The following DNAH12 variants were observed in gnomAD, a reference collection of about 807,000 sequenced individuals.
DNAH12 encodes the protein axonemal beta dynein heavy chain 12.
In DNAH12, 285 loss-of-function variants were observed where a neutral mutation model predicts 371.5. The observed-to-expected ratio is 0.77, with a 90% confidence interval of 0.70 to 0.85. The LOEUF is 0.85. DNAH12 is among the 40% of genes least tolerant of loss of function. The pLI is 0.00. For missense variants in DNAH12, 3,611 were observed against 3,689.4 expected, an observed-to-expected ratio of 0.98 and a Z score of 0.55; for synonymous variants, 1,200 against 1,213.0, an observed-to-expected ratio of 0.99 and a Z score of 0.22.
intron 70 of DNAH12, among the ~76,000 whole-genome samples, chr3:57,299,737 G>A (rs1299491460): frequency 2.0e-5 from 3 of 152,168 alleles, no homozygotes; most frequent in African/African-American, 7.2e-5. Flanking sequence ...AACCAGGAGA[G>A]CTGTCACCAG....
chr3:57,295,847 C>T (rs992725899), intron 72 of DNAH12, among the ~76,000 whole-genome samples: 1 of 152,178 alleles, frequency 6.6e-6, no homozygotes, highest in Non-Finnish European at 1.5e-5. Context: ...GTGGCCAGGG[C>T]TCCAAGGGAA....
chr3:57,523,755 T>C, intron 3 of DNAH12, 48 bp downstream of exon 3: 1 of 1,512,594 alleles, frequency 6.6e-7, no homozygotes, highest in Non-Finnish European at 8.9e-7. Context: ...TAACTACAAA[T>C]TAAAATGATA....
chr3:57,432,312 G>A (rs2064981091), intron 32 of DNAH12, among the ~76,000 whole-genome samples: 1 of 150,460 alleles, frequency 6.6e-6, no homozygotes, highest in Non-Finnish European at 1.5e-5. Context: ...TGGGATTACA[G>A]GCGCGCGCCA....
At chr3:57,351,034 G>A (rs569420450) in intron 60 of DNAH12, among the ~76,000 whole-genome samples, 1 of 151,618 alleles carries the variant, frequency 6.6e-6, no homozygotes, top group African/African-American at 2.4e-5. Context: ...ACTTTGGGAG[G>A]TCGAGGCAGG....
At chr3:57,299,735 G>A (rs2061307575) in intron 70 of DNAH12, among the ~76,000 whole-genome samples, 1 of 152,174 alleles carries the variant, frequency 6.6e-6, no homozygotes, top group Admixed American at 6.5e-5. Context: ...TGAACCAGGA[G>A]AGCTGTCACC....
At chr3:57,395,996 A>C (rs2063729288) in intron 43 of DNAH12, among the ~76,000 whole-genome samples, 1 of 151,946 alleles carries the variant, frequency 6.6e-6, no homozygotes, top group South Asian at 2.1e-4. Flanking sequence ...ATTTTAATTT[A>C]GGCTGGGCGC....
upstream of DNAH12, among the ~76,000 whole-genome samples, chr3:57,546,312 G>A (rs993455458): frequency 3.9e-5 from 6 of 151,980 alleles, no homozygotes; most frequent in Non-Finnish European, 7.4e-5. Flanking sequence ...TTGGGTCTGC[G>A]CTCCTTAATC....
intron 60 of DNAH12, among the ~76,000 whole-genome samples, chr3:57,351,643 A>C (rs1015019243): frequency 1.3e-5 from 2 of 152,242 alleles, no homozygotes; most frequent in Non-Finnish European, 2.9e-5. Context: ...TGAGGAAAAG[A>C]AGCCAGATAA....
At chr3:57,547,761 A>G (rs2069590902), upstream of DNAH12, among the ~76,000 whole-genome samples, 1 of 152,200 alleles carries the variant, frequency 6.6e-6, no homozygotes, top group Non-Finnish European at 1.5e-5. Context: ...CATTAAAATC[A>G]TTTCAGTCCT....
chr3:57,475,845 T>G (rs1352239622), intron 13 of DNAH12, among the ~76,000 whole-genome samples: 2 of 152,136 alleles, frequency 1.3e-5, no homozygotes, highest in African/African-American at 4.8e-5. Context: ...AGTCTAAAAC[T>G]GGAACTACTT....
At position 57,445,313 on chromosome 3, in the gene DNAH12, A is replaced by G. The variant is rs1411538576; in HGVS notation, c.4286T>C (p.Ile1429Thr). 3 of 1,551,460 alleles carry G rather than the reference A, an allele frequency of 1.9e-6. No homozygotes were observed. Among genetic ancestry groups the G allele is most frequent in the Non-Finnish European group, 2.6e-6 (3 of 1,146,976 alleles). Residue 1429 changes from isoleucine (I) to threonine (T), a missense_variant, in exon 28 of 74, where the codon ATA (isoleucine) becomes ACA (threonine). Physicochemically the swap from Ile to Thr is moderately conservative, Grantham distance 89 (BLOSUM62 -1). Transcript: ENST00000495027. ...TGAGCAAAGCCTATAGGTCATTACTATTTTCACAGACAGAGGTCTTGCATT... is the reference window on the plus strand; with the variant it reads ...TGAGCAAAGCCTATAGGTCATTACTGTTTTCACAGACAGAGGTCTTGCATT... ...FLNARPLSVK[I>T]VMTYRLCSEQ...
At chr3:57,405,556 T>C (rs1553680808) in intron 41 of DNAH12, 97 bp downstream of exon 41, 1 of 1,188,882 alleles carries the variant, frequency 8.4e-7, no homozygotes, top group African/African-American at 1.6e-5. Flanking sequence ...TAAAAGAATA[T>C]GTTCATTAAG....
chr3:57,550,075 A>G, the DNAH12 span, among the ~76,000 whole-genome samples: 5 of 152,078 alleles, frequency 3.3e-5, no homozygotes, highest in African/African-American at 9.7e-5. Flanking sequence ...CTGGGAGGCC[A>G]AGGTGGGAAG....
chr3:57,509,054 A>C, intron 6 of DNAH12, 86 bp downstream of exon 6: 2 of 1,182,202 alleles, frequency 1.7e-6, no homozygotes, highest in Admixed American at 2.2e-5. Context: ...TGAGCATCAC[A>C]ATTGTATACT....
rs1055099674 is a variant in DNAH12 at position 57,371,739 on chromosome 3, A to G, written c.8760-3479T>C. ...GACACATCAAACTGCTGAAAACTAA[A>G]GACAGAGAAAAATTGGAAAATTTCC... is the stretch of plus-strand genomic sequence containing the variant. On this transcript the variant is annotated intron_variant, in intron 55 of 73. Transcript: ENST00000495027. 7.3e-3 allele frequency among the ~76,000 whole-genome samples: 1,094 copies of G among 150,168 alleles called. 12 individuals carry two copies. The highest frequency in any genetic ancestry group is 0.025 in the African/African-American group (1,014 of 41,180).
intron 59 of DNAH12, among the ~76,000 whole-genome samples, chr3:57,352,775 A>G (rs2062709866): frequency 6.6e-6 from 1 of 152,192 alleles, no homozygotes; most frequent in Non-Finnish European, 1.5e-5. Context: ...AAGTCTAGAT[A>G]AAAATCTACA....
intron 4 of DNAH12, among the ~76,000 whole-genome samples, chr3:57,512,852 T>C (rs2068047531): frequency 6.6e-6 from 1 of 152,080 alleles, no homozygotes; most frequent in Non-Finnish European, 1.5e-5. Context: ...TAAAATGTGG[T>C]ACATGGCCAG....
At chr3:57,421,858 A>G (rs1198888383) in intron 35 of DNAH12, 152 bp from the exon 36 acceptor site, 2 of 671,062 alleles carry the variant, frequency 3.0e-6, no homozygotes, top group Non-Finnish European at 4.8e-6. Context: ...CTGCTAAGCC[A>G]CATAGTCATT....
At chr3:57,487,843 T>A (rs908083084) in intron 12 of DNAH12, among the ~76,000 whole-genome samples, 2 of 151,426 alleles carry the variant, frequency 1.3e-5, no homozygotes, top group Admixed American at 6.6e-5. Flanking sequence ...TACAAAAAAA[T>A]TATGTTAAAC....
Sources: gnomAD v4.1 joint callset for allele counts (sites outside exome capture counted in the v4.1 genomes callset) on GRCh38, gnomAD v4.1.1 for gene constraint, MANE v1.5 for transcripts, NCBI Gene and HGNC (gene_info 2026-07-23, HGNC 2026-07-21) for gene names.